The following FHOD3 variants were observed in gnomAD, a reference collection of about 807,000 sequenced individuals.
FHOD3 encodes the protein formin homology 2 domain containing 3, also known as FH1/FH2 domain-containing protein 3.
In FHOD3, 90 loss-of-function variants were observed where a neutral mutation model predicts 173.0. That is an observed-to-expected ratio of 0.52 (90% CI 0.44 to 0.62). The LOEUF (loss-of-function observed/expected upper bound fraction) is 0.62, where lower values mean the gene tolerates loss of function less well. FHOD3 is among the 20% of genes least tolerant of loss of function. The pLI, the probability that FHOD3 is intolerant of heterozygous loss-of-function variation, is 0.00. For synonymous variants in FHOD3, 828 were observed against 823.0 expected, an observed-to-expected ratio of 1.01 and a Z score of -0.10; for missense variants, 1,945 against 2,034.7, an observed-to-expected ratio of 0.96 and a Z score of 0.85.
chr18:36,605,732 T>C (rs1384879365), intron 8 of FHOD3, among the ~76,000 whole-genome samples: 1 of 152,212 alleles, frequency 6.6e-6, no homozygotes, highest in African/African-American at 2.4e-5. Flanking sequence ...GTAATGCATG[T>C]TGCCCAATGA....
At chr18:36,638,295 G>C (rs1293556717) in intron 10 of FHOD3, among the ~76,000 whole-genome samples, 1 of 152,194 alleles carries the variant, frequency 6.6e-6, no homozygotes, top group Non-Finnish European at 1.5e-5. Context: ...AGGGAGAAAG[G>C]GGCTTGGTAT....
intron 13 of FHOD3, among the ~76,000 whole-genome samples, chr18:36,656,434 C>A (rs1169643714): frequency 6.6e-6 from 1 of 152,102 alleles, no homozygotes; most frequent in East Asian, 1.9e-4. Context: ...ATGCTCTGAG[C>A]CTCTCTCTGT....
At chr18:36,355,447 A>T in intron 1 of FHOD3, 92 bp from the exon 2 acceptor site, 1 of 1,007,346 alleles carries the variant, frequency 9.9e-7, no homozygotes, top group South Asian at 1.4e-5. Flanking sequence ...GCTTGATTTT[A>T]CAAAACACAG....
intron 24 of FHOD3, among the ~76,000 whole-genome samples, chr18:36,749,631 A>G (rs969476496): frequency 2.0e-5 from 3 of 152,210 alleles, no homozygotes; most frequent in African/African-American, 4.8e-5. Flanking sequence ...TAGTGCTACA[A>G]TGAACATTCG....
intron 5 of FHOD3, among the ~76,000 whole-genome samples, chr18:36,527,516 G>C (rs1006522349): frequency 1.3e-5 from 2 of 152,184 alleles, no homozygotes; most frequent in African/African-American, 4.8e-5. Flanking sequence ...ACACTGCAGG[G>C]AGAAACGGTT....
At chr18:36,451,648 G>A (rs760332866) in intron 3 of FHOD3, among the ~76,000 whole-genome samples, 12 of 152,108 alleles carry the variant, frequency 7.9e-5, no homozygotes, top group Non-Finnish European at 1.8e-4. Context: ...CTGCATACCC[G>A]CAGTATTCAG....
At chr18:36,695,515 C>A (rs2149520912) in intron 17 of FHOD3, among the ~76,000 whole-genome samples, 1 of 152,262 alleles carries the variant, frequency 6.6e-6, no homozygotes, top group East Asian at 1.9e-4. Flanking sequence ...ATTCTAGCAT[C>A]ATTTGATGTT....
chr18:36,512,066 G>T (rs1348867059), intron 4 of FHOD3, among the ~76,000 whole-genome samples: 6 of 152,238 alleles, frequency 3.9e-5, no homozygotes, highest in African/African-American at 1.2e-4. Context: ...GCAATCAAAT[G>T]TTTCCTGCAG....
chr18:36,599,888 A>G (rs1456571958), intron 7 of FHOD3, among the ~76,000 whole-genome samples: 2 of 146,202 alleles, frequency 1.4e-5, no homozygotes, highest in Non-Finnish European at 3.0e-5. Flanking sequence ...TATTCAGCAC[A>G]TATTTGAGTA....
intron 4 of FHOD3, among the ~76,000 whole-genome samples, chr18:36,509,369 G>A (rs1477084293): frequency 1.4e-5 from 2 of 147,076 alleles, no homozygotes; most frequent in African/African-American, 5.1e-5. Flanking sequence ...GGAGCTTGCA[G>A]TGAGTTGAGA....
chr18:36,674,170 G>A (rs2037705676), intron 14 of FHOD3, among the ~76,000 whole-genome samples: 1 of 152,158 alleles, frequency 6.6e-6, no homozygotes, highest in East Asian at 1.9e-4. Context: ...TCTGAACAAT[G>A]AGCCCTGAGT....
intron 16 of FHOD3, among the ~76,000 whole-genome samples, chr18:36,691,377 C>G (rs566661186): frequency 1.1e-3 from 160 of 152,338 alleles, no homozygotes; most frequent in African/African-American, 3.6e-3. Context: ...GCCCCTTTAT[C>G]CTGTGGCAGC....
At chr18:36,520,517 A>G (rs1288370770) in intron 5 of FHOD3, among the ~76,000 whole-genome samples, 1 of 152,164 alleles carries the variant, frequency 6.6e-6, no homozygotes, top group East Asian at 1.9e-4. Flanking sequence ...TTTCATCTTA[A>G]TCTGACTCCT....
intron 27 of FHOD3, among the ~76,000 whole-genome samples, chr18:36,763,388 T>C (rs1405050991): frequency 2.0e-5 from 3 of 146,492 alleles, no homozygotes; most frequent in Non-Finnish European, 4.5e-5. Flanking sequence ...ATACACGTTA[T>C]ATACAATATG....
At chr18:36,644,923 C>T (rs1276192341) in intron 10 of FHOD3, among the ~76,000 whole-genome samples, 1 of 152,010 alleles carries the variant, frequency 6.6e-6, no homozygotes, top group Non-Finnish European at 1.5e-5. Flanking sequence ...GGGAGGGGCT[C>T]AGTGTTTTGT....
Position 36,522,291 on chromosome 18 carries a change from G to A in FHOD3, c.511+9748G>A, listed in dbSNP as rs2056314190. 3.3e-5 allele frequency among the ~76,000 whole-genome samples: 5 copies of A among 152,292 alleles called. No individual in the cohort carries two copies. The South Asian group carries it at 1.0e-3, about 32-fold the overall frequency. ...AGAAGTCACTACTTGTGAGAAAGCT[G>A]CTGATTTGTACTAGTAATTGGAGAG... On this transcript the variant is annotated intron_variant, in intron 5 of 28. Coordinates refer to ENST00000590592, the MANE Select transcript of FHOD3 (RefSeq NM_001281740.3).
At chr18:36,690,996 TGTCTTACAG>T (rs1317897544) in intron 16 of FHOD3, among the ~76,000 whole-genome samples, 2 of 152,194 alleles carry the variant, frequency 1.3e-5, no homozygotes, top group Admixed American at 6.5e-5. Flanking sequence ...ACTCTTCCCA[TGTCTTACAG>T]ATCTTCAGTG....
chr18:36,695,353 TAAA>T (rs56112529), intron 17 of FHOD3, among the ~76,000 whole-genome samples: 1 of 108,998 alleles, frequency 9.2e-6, no homozygotes, highest in Non-Finnish European at 2.1e-5. Flanking sequence ...GTCTCAAAAA[TAAA>T]AAAAAAAAAA....
intron 27 of FHOD3, among the ~76,000 whole-genome samples, chr18:36,764,598 T>C (rs2043061207): frequency 6.6e-6 from 1 of 151,986 alleles, no homozygotes; most frequent in South Asian, 2.1e-4. Flanking sequence ...AGAACATAAA[T>C]AGGTTGTACC....
Sources: allele counts gnomAD v4.1 joint callset (sites outside exome capture counted in the v4.1 genomes callset), GRCh38; gene constraint gnomAD v4.1.1; transcripts MANE v1.5; gene names NCBI Gene and HGNC (gene_info 2026-07-23, HGNC 2026-07-21).